The following DUSP5 variants were observed in gnomAD, a reference collection of about 807,000 sequenced individuals.
DUSP5 encodes dual specificity protein phosphatase 5.
DUSP5 carries 22 observed loss-of-function variants against 33.6 expected under a neutral mutation model. The observed-to-expected ratio is 0.66, with a 90% CI of 0.47 to 0.94. The LOEUF is 0.94. DUSP5 is among the 40% of genes least tolerant of loss of function. The probability of loss-of-function intolerance (pLI) is 0.00; values close to 1 mark genes in which losing one functional copy is unlikely to be tolerated. For missense variants in DUSP5, 551 were observed against 522.1 expected (o/e 1.06, Z -0.54); for synonymous variants, 270 against 231.1 (o/e 1.17, Z -1.53).
rs1442010486 is a variant in DUSP5, at chr10:110,507,006, C to T, written c.600C>T (p.Leu200=). The change falls in exon 3 of 4, where the codon CTC becomes CTT. Residue 200 remains leucine (L), a synonymous_variant. Coordinates refer to ENST00000369583, the MANE Select transcript of DUSP5 (RefSeq NM_004419.4). ...ACCATGCATCCAAGTGCGAGTTCCT[C>T]GCCAACCTGCACATCACAGCCCTGC... ...SAYHASKCEF[L]ANLHITALLN... 6.2e-6 allele frequency: 10 copies of T among 1,614,158 alleles called. No individual in the cohort carries two copies. The highest frequency in any genetic ancestry group is 1.6e-4 in the Middle Eastern group (1 of 6,084).
chr10:110,506,509 T>C (rs1860121525), intron 2 of DUSP5, among the ~76,000 whole-genome samples: 1 of 152,108 alleles, frequency 6.6e-6, no homozygotes, highest in Non-Finnish European at 1.5e-5. Flanking sequence ...TGAGTCCTGG[T>C]CCATTTTATC....
chr10:110,500,570 T>C (rs1255799183), intron 1 of DUSP5, among the ~76,000 whole-genome samples: 1 of 152,202 alleles, frequency 6.6e-6, no homozygotes, highest in South Asian at 2.1e-4. Context: ...TTTGACACTT[T>C]CCATAATCCC....
Position 110,510,308 on chromosome 10 carries a change from G to A in DUSP5, c.1037G>A (p.Ser346Asn), listed in dbSNP as rs755166385. Residue 346 changes from serine (S) to asparagine (N), a missense_variant, in exon 4 of 4, where the codon AGC becomes AAC. Physicochemically the swap from Ser to Asn is conservative, Grantham distance 46. This residue lies in a region of DUSP5 where 158 missense variants were observed against 181.8 expected (regional missense o/e 0.87). Coordinates refer to ENST00000369583, the MANE Select transcript of DUSP5 (RefSeq NM_004419.4). The part of the protein sequence containing the change: ...SSLIGHLQTL[S>N]PDMQGAYCTF... ...CTGATAGGCCATTTGCAGACACTGA[G>A]CCCTGACATGCAGGGTGCCTACTGC... 2 of 1,614,200 alleles carry A rather than the reference G, an allele frequency of 1.2e-6. No homozygotes were observed. Among genetic ancestry groups the A allele is most frequent in the South Asian group, 1.1e-5 (1 of 91,086 alleles).
rs752522600 is a variant in DUSP5, at chr10:110,498,182, G to A, written c.61G>A (p.Ala21Thr). The A allele has an allele frequency of 1.3e-6, 2 of 1,496,818 alleles. No homozygotes were observed. 92.7% of individuals were successfully genotyped at this position (1,496,818 alleles called of 1,614,324 possible). A position where few individuals can be genotyped will look rare whatever the true frequency, so the allele number is the denominator to read the frequency against. ...LRKMLRKEAAARCVVLDCRPY... is the reference protein window; with the variant it reads ...LRKMLRKEAATRCVVLDCRPY... ...CAAGATGCTCCGCAAGGAGGCGGCGGCGCGCTGCGTGGTGCTCGACTGCCG... is the reference window on the plus strand; with the variant it reads ...CAAGATGCTCCGCAAGGAGGCGGCGACGCGCTGCGTGGTGCTCGACTGCCG... Residue 21 changes from alanine to threonine, a missense_variant, in exon 1 of 4, where the codon GCG becomes ACG. Ala to Thr is a moderately conservative substitution (Grantham distance 58). This residue lies in a region of DUSP5 where 381 missense variants were observed against 310.4 expected (regional missense o/e 1.23). Transcript: ENST00000369583.
intron 2 of DUSP5, among the ~76,000 whole-genome samples, chr10:110,504,970 A>G (rs1404532803): frequency 6.6e-6 from 1 of 152,216 alleles, no homozygotes; most frequent in Non-Finnish European, 1.5e-5. Flanking sequence ...AACTTAACCA[A>G]GAGCTCCGCT....
At chr10:110,501,406 G>A (rs1047026911) in intron 1 of DUSP5, among the ~76,000 whole-genome samples, 4 of 152,240 alleles carry the variant, frequency 2.6e-5, no homozygotes, top group South Asian at 4.2e-4. Context: ...ACTAAGTGGG[G>A]GCGGGGCAGT....
intron 2 of DUSP5, among the ~76,000 whole-genome samples, chr10:110,504,907 T>G (rs928839375): frequency 1.3e-5 from 2 of 152,216 alleles, no homozygotes; most frequent in East Asian, 3.8e-4. Flanking sequence ...CAAAGGGTCA[T>G]AGATTAAAGA....
chr10:110,510,004 C>T lies in DUSP5; in HGVS notation c.749-16C>T. 6.4e-7 allele frequency: 1 copy of T among 1,564,482 alleles called. No individual in the cohort carries two copies. The highest frequency in any genetic ancestry group is 2.3e-5 in the East Asian group (1 of 44,298). ...TCTAATCCCAACTCACTCCCACCAT[C>T]TTTTCTTCCTTCCAGACTGTGTCAG... On this transcript the variant is annotated splice_polypyrimidine_tract_variant and intron_variant, in intron 3 of 3. Coordinates refer to ENST00000369583, the MANE Select transcript of DUSP5 (RefSeq NM_004419.4).
chr10:110,500,292 C>G (rs547914305), intron 1 of DUSP5, among the ~76,000 whole-genome samples: 2 of 152,264 alleles, frequency 1.3e-5, no homozygotes, highest in East Asian at 1.9e-4. Context: ...GGTTGCGTCC[C>G]GCCTCACTGC....
At chr10:110,501,971 G>C (rs1027002043) in intron 1 of DUSP5, among the ~76,000 whole-genome samples, 5 of 151,392 alleles carry the variant, frequency 3.3e-5, no homozygotes, top group Admixed American at 6.6e-5. Flanking sequence ...TGATTGGGGG[G>C]GGGGTGCAGG....
At chr10:110,504,121 A>G (rs1021923033) in intron 2 of DUSP5, among the ~76,000 whole-genome samples, 12 of 152,168 alleles carry the variant, frequency 7.9e-5, no homozygotes, top group Non-Finnish European at 1.3e-4. Context: ...CTAGATTTCT[A>G]CTTTTGTTTG....
intron 2 of DUSP5, among the ~76,000 whole-genome samples, chr10:110,504,508 T>C (rs1860095426): frequency 6.6e-6 from 1 of 152,124 alleles, no homozygotes; most frequent in Non-Finnish European, 1.5e-5. Context: ...GAGGAAGAGA[T>C]CTTGAGTCAA....
At position 110,507,002 on chromosome 10, in the gene DUSP5, T is replaced by C; in HGVS notation, c.596T>C (p.Phe199Ser). The C allele has an allele frequency of 6.2e-7, 1 of 1,614,268 alleles. No homozygotes were observed. The highest frequency in any genetic ancestry group is 1.6e-4 in the Middle Eastern group (1 of 6,062). The stretch of plus-strand genomic sequence containing the variant: ...GCCTACCATGCATCCAAGTGCGAGT[T>C]CCTCGCCAACCTGCACATCACAGCC... Reference protein sequence around the residue: ...GSAYHASKCEFLANLHITALL... With the variant: ...GSAYHASKCESLANLHITALL... The change falls in exon 3 of 4, where the codon TTC (phenylalanine) becomes TCC (serine). Residue 199 changes from phenylalanine (F) to serine (S), a missense_variant. This residue lies in a region of DUSP5 where 381 missense variants were observed against 310.4 expected (regional missense o/e 1.23). Transcript: ENST00000369583.
intron 1 of DUSP5, 55 bp downstream of exon 1, chr10:110,498,555 C>G: frequency 1.5e-6 from 2 of 1,378,452 alleles, no homozygotes; most frequent in South Asian, 3.2e-5. Context: ...CGGGTCCCCT[C>G]CCTGCGCCGG....
Position 110,511,405 on chromosome 10 carries a change from CTGTT to C in DUSP5, c.*980_*983del, listed in dbSNP as rs1860191855. 2 of 152,060 alleles carry C rather than the reference CTGTT, an allele frequency of 1.3e-5. No homozygotes were observed. The highest frequency in any genetic ancestry group is 2.4e-5 in the African/African-American group (1 of 41,272). The allele number at this position is 152,060 out of a possible 1,614,324, so 9.4% of individuals were successfully genotyped here. A position where few individuals can be genotyped will look rare whatever the true frequency, so the allele number is the denominator to read the frequency against. On this transcript the variant is annotated 3_prime_UTR_variant, in exon 4 of 4. Transcript: ENST00000369583. ...GGTACTACTTTTTTTTTCTTTTTGT[CTGTT>C]AGTTATTTCTCCAGGGGAAAAGGCA...
Position 110,498,227 on chromosome 10 carries a change from G to T in DUSP5, c.106G>T (p.Ala36Ser), listed in dbSNP as rs1375797212. The T allele has an allele frequency of 4.6e-6, 7 of 1,515,038 alleles. No individual in the cohort carries two copies. In the South Asian group the frequency reaches 8.2e-5, roughly 18 times the overall value. The allele number at this position is 1,515,038 out of a possible 1,614,324, so 93.8% of individuals were successfully genotyped here. Residue 36 changes from alanine (A) to serine (S), a missense_variant, in exon 1 of 4, where the codon GCC (alanine) becomes TCC (serine). Physicochemically the swap from Ala to Ser is moderately conservative, Grantham distance 99 (BLOSUM62 1). Transcript: ENST00000369583. ...LDCRPYLAFA[A>S]SNVRGSLNVN... ...CTGCCGGCCCTATCTGGCCTTCGCT[G>T]CCTCGAACGTGCGCGGCTCGCTCAA...
chr10:110,503,002 C>T (rs1860075296), intron 2 of DUSP5, 133 bp downstream of exon 2: 3 of 1,221,374 alleles, frequency 2.5e-6, no homozygotes, highest in Non-Finnish European at 3.4e-6. Flanking sequence ...AGGGTGTTGG[C>T]AAAATCCCCT....
rs749989755 is a variant in DUSP5, at chr10:110,507,003, C to T, written c.597C>T (p.Phe199=). Residue 199 remains phenylalanine, a synonymous_variant, in exon 3 of 4, where the codon TTC becomes TTT. Transcript: ENST00000369583. ...CCTACCATGCATCCAAGTGCGAGTT[C>T]CTCGCCAACCTGCACATCACAGCCC... ...GSAYHASKCE[F]LANLHITALL... The T allele has an allele frequency of 2.5e-6, 4 of 1,614,296 alleles. No homozygotes were observed. Among genetic ancestry groups the T allele is most frequent in the Non-Finnish European group, 3.4e-6 (4 of 1,180,056 alleles).
chr10:110,504,360 T>A (rs1396963226), intron 2 of DUSP5, among the ~76,000 whole-genome samples: 2 of 152,222 alleles, frequency 1.3e-5, no homozygotes, highest in Non-Finnish European at 2.9e-5. Context: ...CTGAAGGCCT[T>A]TGGCTTCTTC....
Sources: allele counts gnomAD v4.1 joint callset (sites outside exome capture counted in the v4.1 genomes callset), GRCh38; gene constraint gnomAD v4.1.1; regional missense constraint gnomAD v4.1.1; transcripts MANE v1.5; gene names NCBI Gene and HGNC (gene_info 2026-07-23, HGNC 2026-07-21).